FAM13A: variants seen among roughly 807,000 people sequenced by gnomAD.
FAM13A encodes family with sequence similarity 13 member A.
A neutral mutation model predicts 129.6 loss-of-function variants in FAM13A; 76 were observed. That is an observed-to-expected ratio of 0.59 (90% CI 0.49 to 0.71). The LOEUF (loss-of-function observed/expected upper bound fraction) is 0.71. Ranked by LOEUF, FAM13A falls within the 30% of genes least tolerant of loss-of-function variation. The pLI is 0.00. For missense variants in FAM13A, 1,108 were observed against 1,249.3 expected, an observed-to-expected ratio of 0.89 and a Z score of 1.70; for synonymous variants, 443 against 449.9, an observed-to-expected ratio of 0.98 and a Z score of 0.20.
chr4:88,830,764 G>A (rs1733766910), intron 7 of FAM13A, among the ~76,000 whole-genome samples: 1 of 152,144 alleles, frequency 6.6e-6, no homozygotes, highest in Non-Finnish European at 1.5e-5. Flanking sequence ...AGAGGGGAGG[G>A]AAGAGCTGCT....
chr4:88,986,160 G>A (rs1380989849), intron 4 of FAM13A, among the ~76,000 whole-genome samples: 1 of 148,340 alleles, frequency 6.7e-6, no homozygotes. Context: ...TTGAGATTGA[G>A]TCTCACCCTA....
chr4:89,016,239 T>G (rs1000738464), intron 3 of FAM13A, among the ~76,000 whole-genome samples: 1 of 151,624 alleles, frequency 6.6e-6, no homozygotes, highest in African/African-American at 2.4e-5. Flanking sequence ...AAAGAAAATT[T>G]TAAAAATAGA....
At chr4:88,772,152 A>G (rs750462420) in intron 11 of FAM13A, among the ~76,000 whole-genome samples, 9 of 152,164 alleles carry the variant, frequency 5.9e-5, no homozygotes, top group African/African-American at 1.9e-4. Flanking sequence ...AAACAGCTCA[A>G]TCTGAAGGCT....
chr4:88,777,222 A>T (rs1721925887), intron 11 of FAM13A, among the ~76,000 whole-genome samples: 2 of 152,172 alleles, frequency 1.3e-5, no homozygotes, highest in African/African-American at 4.8e-5. Flanking sequence ...TGGGAGATGG[A>T]TGTGAAAAAT....
intron 4 of FAM13A, among the ~76,000 whole-genome samples, chr4:88,953,380 A>G (rs946264844): frequency 6.6e-6 from 1 of 151,930 alleles, no homozygotes; most frequent in Admixed American, 6.6e-5. Context: ...ACTTGAACCC[A>G]GAAGGCGGAG....
chr4:88,732,861 T>C (rs1012509622), intron 21 of FAM13A, among the ~76,000 whole-genome samples: 2 of 150,636 alleles, frequency 1.3e-5, no homozygotes, highest in Admixed American at 1.3e-4. Context: ...CTAAGAAAAG[T>C]ATGATATTCT....
chr4:89,052,890 G>C (rs1771788826), intron 1 of FAM13A, among the ~76,000 whole-genome samples: 1 of 152,040 alleles, frequency 6.6e-6, no homozygotes, highest in Non-Finnish European at 1.5e-5. Flanking sequence ...GAAACCAAGG[G>C]GGAGGAAACT....
intron 19 of FAM13A, among the ~76,000 whole-genome samples, chr4:88,743,205 A>G (rs996339604): frequency 6.6e-6 from 1 of 152,198 alleles, no homozygotes; most frequent in Non-Finnish European, 1.5e-5. Flanking sequence ...GGATATTTCA[A>G]AACACAAAGG....
intron 16 of FAM13A, among the ~76,000 whole-genome samples, chr4:88,749,509 CCAGTTCCT>C (rs1263445691): frequency 1.3e-5 from 2 of 152,164 alleles, no homozygotes; most frequent in Non-Finnish European, 2.9e-5. Flanking sequence ...AACAATTTCT[CCAGTTCCT>C]GCTTACTGAT....
At position 88,901,440 on chromosome 4, in the gene FAM13A, T is replaced by C. The variant is rs1281319638; in HGVS notation, c.843+4939A>G. Reference sequence around the variant, plus strand: ...CAGAAGAAATGAAATCATAACAGTCTTTCAGACCACAGTGCAATCAAATTA... The same window carrying C: ...CAGAAGAAATGAAATCATAACAGTCCTTCAGACCACAGTGCAATCAAATTA... On this transcript the variant is annotated intron_variant, in intron 6 of 23. Transcript: ENST00000264344. Among the ~76,000 whole-genome samples, 11 of 152,048 alleles carry C rather than the reference T, an allele frequency of 7.2e-5. 1 individual carries two copies. Among genetic ancestry groups the C allele is most frequent in the Admixed American group, 7.2e-4 (11 of 15,258 alleles).
intron 10 of FAM13A, among the ~76,000 whole-genome samples, chr4:88,783,289 T>C (rs1249626760): frequency 2.6e-5 from 4 of 152,060 alleles, no homozygotes; most frequent in African/African-American, 4.8e-5. Context: ...ACTTTTTTTT[T>C]CACTTTTATT....
chr4:88,966,127 C>G (rs749863846), intron 4 of FAM13A, among the ~76,000 whole-genome samples: 75 of 152,108 alleles, frequency 4.9e-4, no homozygotes, highest in Admixed American at 1.2e-3. Context: ...GAGGTGAAGA[C>G]ATGTTATGTA....
At chr4:88,843,859 G>A (rs1736226900) in intron 7 of FAM13A, among the ~76,000 whole-genome samples, 2 of 152,190 alleles carry the variant, frequency 1.3e-5, no homozygotes, top group African/African-American at 2.4e-5. Context: ...GGACAGCGAT[G>A]ATGTGGGGAC....
At chr4:89,039,986 A>C (rs1167212454) in intron 1 of FAM13A, among the ~76,000 whole-genome samples, 22 of 152,018 alleles carry the variant, frequency 1.4e-4, no homozygotes, top group Admixed American at 1.4e-3. Context: ...AAAAACAGCC[A>C]ATTGTCTCAT....
intron 4 of FAM13A, among the ~76,000 whole-genome samples, chr4:88,954,014 CAA>C (rs1268266796): frequency 1.3e-5 from 2 of 151,848 alleles, no homozygotes; most frequent in African/African-American, 4.8e-5. Flanking sequence ...CAAAATGAGC[CAA>C]AGTGTTTGGA....
At chr4:88,921,963 C>G (rs949646587) in intron 5 of FAM13A, among the ~76,000 whole-genome samples, 2 of 151,966 alleles carry the variant, frequency 1.3e-5, no homozygotes. Flanking sequence ...AAGGCCATTA[C>G]ATAATGGTAA....
At chr4:88,904,052 C>CA (rs1235912363) in intron 6 of FAM13A, among the ~76,000 whole-genome samples, 1 of 152,088 alleles carries the variant, frequency 6.6e-6, no homozygotes, top group Non-Finnish European at 1.5e-5. Flanking sequence ...ACATGGAAAT[C>CA]AAAACCACAA....
chr4:88,804,533 C>G (rs1042964260), intron 8 of FAM13A, among the ~76,000 whole-genome samples: 4 of 152,064 alleles, frequency 2.6e-5, no homozygotes, highest in Non-Finnish European at 5.9e-5. Context: ...AACATTGTTA[C>G]TCTGGGTTTG....
intron 4 of FAM13A, among the ~76,000 whole-genome samples, chr4:88,981,790 A>G (rs1348977962): frequency 1.3e-5 from 2 of 152,234 alleles, no homozygotes; most frequent in African/African-American, 4.8e-5. Flanking sequence ...TTCCCCAGAT[A>G]AGCTGCAAGG....
Sources: gnomAD v4.1 joint callset for allele counts (sites outside exome capture counted in the v4.1 genomes callset) on GRCh38, gnomAD v4.1.1 for gene constraint, MANE v1.5 for transcripts, NCBI Gene and HGNC (gene_info 2026-07-23, HGNC 2026-07-21) for gene names.